IGF1R: variants seen among roughly 807,000 people sequenced by gnomAD.
IGF1R encodes insulin like growth factor 1 receptor.
Under a neutral mutation model 144.6 loss-of-function variants are expected in IGF1R, and 44 were observed. The observed-to-expected ratio is 0.30, with a 90% CI of 0.24 to 0.39. The LOEUF is 0.39. Among genes scored for constraint, IGF1R ranks in the 10% least tolerant of loss-of-function variants. IGF1R has a pLI of 1.00. For synonymous variants in IGF1R, 795 were observed against 722.8 expected (o/e 1.10, Z -1.60); for missense variants, 1,355 against 1,833.7 (o/e 0.74, Z 4.77).
chr15:98,691,220 T>G (rs1232949528), intron 1 of IGF1R, among the ~76,000 whole-genome samples: 1 of 152,124 alleles, frequency 6.6e-6, no homozygotes, highest in East Asian at 1.9e-4. Flanking sequence ...CACAGCACAT[T>G]ACATTTAGCT....
At chr15:98,868,989 C>T (rs551525839) in intron 2 of IGF1R, among the ~76,000 whole-genome samples, 1 of 152,152 alleles carries the variant, frequency 6.6e-6, no homozygotes, top group African/African-American at 2.4e-5. Context: ...TAGATTATTT[C>T]TTTGGGTTAT....
intron 2 of IGF1R, among the ~76,000 whole-genome samples, chr15:98,845,323 G>A (rs2011268057): frequency 6.6e-6 from 1 of 151,980 alleles, no homozygotes; most frequent in African/African-American, 2.4e-5. Flanking sequence ...TTTGGAATCT[G>A]AGTCAGTCGG....
intron 20 of IGF1R, among the ~76,000 whole-genome samples, chr15:98,953,692 G>A (rs1241720115): frequency 1.3e-5 from 2 of 152,308 alleles, no homozygotes; most frequent in South Asian, 2.1e-4. Flanking sequence ...TGCCAGAGAC[G>A]TCTTTGGTCT....
chr15:98,757,015 G>A (rs1254185411), intron 2 of IGF1R, among the ~76,000 whole-genome samples: 1 of 152,124 alleles, frequency 6.6e-6, no homozygotes, highest in African/African-American at 2.4e-5. Flanking sequence ...TAATTGCTTT[G>A]TGGACATTAA....
chr15:98,782,074 G>A (rs115719623), intron 2 of IGF1R, among the ~76,000 whole-genome samples: 1,694 of 152,122 alleles, frequency 0.011, 34 homozygotes, highest in African/African-American at 0.038. Context: ...TGATCCTCCT[G>A]CCTTGGTCTC....
At chr15:98,774,139 C>T (rs901632249) in intron 2 of IGF1R, among the ~76,000 whole-genome samples, 4 of 152,228 alleles carry the variant, frequency 2.6e-5, no homozygotes, top group South Asian at 2.1e-4. Context: ...ATCTTAGAAG[C>T]GGGGGACATT....
chr15:98,895,222 C>CCACACACACACAGA (rs2014124269), intron 3 of IGF1R, among the ~76,000 whole-genome samples: 4 of 143,300 alleles, frequency 2.8e-5, no homozygotes, highest in African/African-American at 1.1e-4. Context: ...TGACACAGCA[C>CCACACACACACAGA]CACACACACA....
intron 2 of IGF1R, among the ~76,000 whole-genome samples, chr15:98,820,202 CATAT>C (rs3076066): frequency 0.039 from 5,862 of 149,162 alleles, 396 homozygotes; most frequent in African/African-American, 0.13. Flanking sequence ...ATGCTATTTT[CATAT>C]ATATATATAT....
At chr15:98,667,230 G>C (rs1403196499) in intron 1 of IGF1R, among the ~76,000 whole-genome samples, 3 of 152,156 alleles carry the variant, frequency 2.0e-5, no homozygotes, top group African/African-American at 7.2e-5. Flanking sequence ...GCCATGTGAC[G>C]TGTAATTGCT....
At chr15:98,702,033 G>GT (rs35793845) in intron 1 of IGF1R, among the ~76,000 whole-genome samples, 32,883 of 108,670 alleles carry the variant, frequency 0.3, 5,711 homozygotes, top group East Asian at 0.37. Context: ...GAGTCACGCT[G>GT]TTTTTTTTTT....
chr15:98,837,993 T>C (rs901650367), intron 2 of IGF1R, among the ~76,000 whole-genome samples: 1 of 152,232 alleles, frequency 6.6e-6, no homozygotes, highest in Non-Finnish European at 1.5e-5. Flanking sequence ...GCAAAGCCCA[T>C]TTGAGAATTT....
intron 2 of IGF1R, among the ~76,000 whole-genome samples, chr15:98,835,835 C>A (rs987048473): frequency 1.3e-5 from 2 of 152,136 alleles, no homozygotes; most frequent in African/African-American, 4.8e-5. Flanking sequence ...TCTTCAAAGC[C>A]AAGTTCTGAA....
chr15:98,912,538 C>T (rs988539646), intron 7 of IGF1R, among the ~76,000 whole-genome samples: 1 of 152,204 alleles, frequency 6.6e-6, no homozygotes, highest in Non-Finnish European at 1.5e-5. Flanking sequence ...TCACTGAGGA[C>T]TTGATGCTGG....
In IGF1R at chr15:98,963,647, G is replaced by A. The variant is rs1432184487; in HGVS notation, c.*6205G>A. On this transcript the variant is annotated 3_prime_UTR_variant, in exon 21 of 21. Coordinates refer to ENST00000650285, the MANE Select transcript of IGF1R (RefSeq NM_000875.5). Reference sequence around the variant, plus strand: ...TTTCATGATGATTACAGCATACACAGTGATCACATAAACGATGACAGCTAT... The same window carrying A: ...TTTCATGATGATTACAGCATACACAATGATCACATAAACGATGACAGCTAT... 1.7e-5 allele frequency: 4 copies of A among 233,194 alleles called. No individual in the cohort carries two copies. The highest frequency in any genetic ancestry group is 3.4e-5 in the Non-Finnish European group (4 of 118,058). 14.4% of individuals were successfully genotyped at this position (233,194 alleles called of 1,614,324 possible).
rs558809166 is a variant in IGF1R, at chr15:98,957,733, C to G, written c.*291C>G. The stretch of plus-strand genomic sequence containing the variant: ...AGCAACAGAGCACTTGAGAACCAGT[C>G]TCCTCACTCTGTCCCTGTCCTTCCC... On this transcript the variant is annotated 3_prime_UTR_variant, in exon 21 of 21. Coordinates refer to ENST00000650285, the MANE Select transcript of IGF1R (RefSeq NM_000875.5). 4.0e-6 allele frequency: 2 copies of G among 502,690 alleles called. No individual in the cohort carries two copies. Among genetic ancestry groups the G allele is most frequent in the East Asian group, 3.4e-5 (1 of 29,354 alleles). The allele number at this position is 502,690 out of a possible 1,614,324, so 31.1% of individuals were successfully genotyped here.
chr15:98,883,855 G>T (rs1435724421), intron 2 of IGF1R, among the ~76,000 whole-genome samples: 1 of 152,066 alleles, frequency 6.6e-6, no homozygotes, highest in African/African-American at 2.4e-5. Context: ...CTGAGGGAGG[G>T]GCTCTTTTTA....
At chr15:98,697,936 T>A (rs979181086) in intron 1 of IGF1R, among the ~76,000 whole-genome samples, 2 of 151,652 alleles carry the variant, frequency 1.3e-5, no homozygotes, top group African/African-American at 4.8e-5. Flanking sequence ...GGTTTCGCCA[T>A]GTTGGCCAGG....
intron 19 of IGF1R, among the ~76,000 whole-genome samples, chr15:98,945,708 G>A (rs184622798): frequency 3.3e-5 from 5 of 152,246 alleles, no homozygotes; most frequent in East Asian, 3.9e-4. Flanking sequence ...GGTCTGTCTC[G>A]AGAAGTCTGC....
In IGF1R at chr15:98,911,326, G is replaced by A. The variant is rs61740877; in HGVS notation, c.1474G>A (p.Val492Ile). ...ACTCTTTGCCCCAGGTGAAAGTGAC[G>A]TCCTGCATTTCACCTCCACCACCAC... ...NGERASCESD[V>I]LHFTSTTTSK... The change falls in exon 7 of 21, where the codon GTC becomes ATC. Residue 492 changes from valine (V) to isoleucine (I), a missense_variant. By Grantham distance (29) the Val-to-Ile change is conservative. Transcript: ENST00000650285. 660 of 1,614,068 alleles carry A rather than the reference G, an allele frequency of 4.1e-4. 7 individuals are homozygous for A. The African/African-American group carries it at 7.5e-3, about 18-fold the overall frequency.
Sources: gnomAD v4.1 joint callset for allele counts (sites outside exome capture counted in the v4.1 genomes callset) on GRCh38, gnomAD v4.1.1 for gene constraint, MANE v1.5 for transcripts, NCBI Gene and HGNC (gene_info 2026-07-23, HGNC 2026-07-21) for gene names.